Variants in MIR2052HG observed in about 807,000 individuals in gnomAD.
The protein encoded by MIR2052HG is MIR2052 host gene.
At chr8:74,732,773 C>G (rs1809705603) in intron 4 of MIR2052HG, among the ~76,000 whole-genome samples, 1 of 152,048 alleles carries the variant, frequency 6.6e-6, no homozygotes, top group Non-Finnish European at 1.5e-5. Flanking sequence ...GAGGGGACAT[C>G]AGTCACAAAG....
intron 4 of MIR2052HG, among the ~76,000 whole-genome samples, chr8:74,726,225 A>T (rs1362626578): frequency 6.6e-6 from 1 of 152,142 alleles, no homozygotes; most frequent in African/African-American, 2.4e-5. Flanking sequence ...TGATAGTCAT[A>T]CTCAGTGTAT....
chr8:74,730,058 G>C (rs900573000), intron 4 of MIR2052HG, among the ~76,000 whole-genome samples: 1 of 152,148 alleles, frequency 6.6e-6, no homozygotes. Flanking sequence ...AAGATGAGCT[G>C]AGTAATTGTT....
At chr8:74,672,185 C>A (rs1186119032) in intron 2 of MIR2052HG, among the ~76,000 whole-genome samples, 3 of 152,080 alleles carry the variant, frequency 2.0e-5, no homozygotes, top group East Asian at 3.8e-4. Context: ...TCTTGGCCTT[C>A]TATGCATCAC....
intron 4 of MIR2052HG, among the ~76,000 whole-genome samples, chr8:74,711,294 C>T (rs1809465673): frequency 6.6e-6 from 1 of 152,166 alleles, no homozygotes; most frequent in African/African-American, 2.4e-5. Flanking sequence ...TGTACATTTT[C>T]CCACTGTACT....
intron 2 of MIR2052HG, among the ~76,000 whole-genome samples, chr8:74,664,063 G>A (rs996510665): frequency 6.6e-6 from 1 of 152,160 alleles, no homozygotes; most frequent in Non-Finnish European, 1.5e-5. Context: ...GTAAGTGGGA[G>A]TTAAGCTATG....
chr8:74,715,009 T>C (rs1809506914), intron 4 of MIR2052HG, among the ~76,000 whole-genome samples: 1 of 152,184 alleles, frequency 6.6e-6, no homozygotes, highest in South Asian at 2.1e-4. Flanking sequence ...TGTTTTTTTA[T>C]TGCTACCAAA....
intron 2 of MIR2052HG, among the ~76,000 whole-genome samples, chr8:74,687,503 T>C (rs985425931): frequency 6.6e-6 from 1 of 152,086 alleles, no homozygotes; most frequent in African/African-American, 2.4e-5. Context: ...ACAATGGAAT[T>C]ATTTAGCCAT....
intron 4 of MIR2052HG, chr8:74,705,881 CT>C (rs34916429): frequency 0.23 from 37,032 of 161,282 alleles, 5,439 homozygotes; most frequent in East Asian, 0.64. Flanking sequence ...AAAAACTAAA[CT>C]TCTGAAATGT....
chr8:74,602,868 T>TCTTTCTTTCTTTCTTC (rs1478797373), intron 1 of MIR2052HG, among the ~76,000 whole-genome samples: 1 of 148,798 alleles, frequency 6.7e-6, no homozygotes, highest in Admixed American at 6.8e-5. Flanking sequence ...TTTCTTTCTT[T>TCTTTCTTTCTTTCTTC]CTTTCTTTTT....
chr8:74,717,353 T>G (rs1200542977), intron 4 of MIR2052HG, among the ~76,000 whole-genome samples: 3 of 152,222 alleles, frequency 2.0e-5, no homozygotes, highest in Non-Finnish European at 4.4e-5. Context: ...TTTTTATGGC[T>G]GCATAGTATT....
intron 2 of MIR2052HG, among the ~76,000 whole-genome samples, chr8:74,643,951 G>A (rs1001115019): frequency 1.3e-5 from 2 of 152,166 alleles, no homozygotes; most frequent in Admixed American, 6.5e-5. Context: ...TCATTCTGGG[G>A]ATTGCTTGGT....
At chr8:74,717,591 G>A (rs1809533024) in intron 4 of MIR2052HG, among the ~76,000 whole-genome samples, 1 of 152,092 alleles carries the variant, frequency 6.6e-6, no homozygotes, top group Non-Finnish European at 1.5e-5. Context: ...GTTGAGGTGG[G>A]AGGATCCCAT....
chr8:74,665,055 C>G (rs1808907277), intron 2 of MIR2052HG, among the ~76,000 whole-genome samples: 1 of 152,192 alleles, frequency 6.6e-6, no homozygotes, highest in Admixed American at 6.5e-5. Flanking sequence ...TCTGTTACAA[C>G]TTTCTTTTTC....
intron 2 of MIR2052HG, among the ~76,000 whole-genome samples, chr8:74,628,213 A>G (rs1316358814): frequency 6.6e-6 from 1 of 152,226 alleles, no homozygotes. Flanking sequence ...GGGAAGCATA[A>G]TACCAAAGGA....
intron 2 of MIR2052HG, among the ~76,000 whole-genome samples, chr8:74,624,575 G>A (rs1053200976): frequency 6.6e-6 from 1 of 152,146 alleles, no homozygotes; most frequent in African/African-American, 2.4e-5. Context: ...TAATTTTCTG[G>A]AGTTTGCATA....
intron 1 of MIR2052HG, chr8:74,603,362 C>T: frequency 1.9e-6 from 3 of 1,611,214 alleles, no homozygotes; most frequent in Non-Finnish European, 2.5e-6. Flanking sequence ...CTAATGCTGG[C>T]AGCAGATCCA....
chr8:74,640,881 C>T (rs187732619), intron 2 of MIR2052HG, among the ~76,000 whole-genome samples: 41 of 152,306 alleles, frequency 2.7e-4, no homozygotes, highest in African/African-American at 7.9e-4. Context: ...CTCTGGAGTT[C>T]TCAGAGAATG....
At chr8:74,630,087 T>C (rs1006111980) in intron 2 of MIR2052HG, among the ~76,000 whole-genome samples, 2 of 152,222 alleles carry the variant, frequency 1.3e-5, no homozygotes, top group African/African-American at 2.4e-5. Flanking sequence ...ATTTATGTCA[T>C]AGTGGAAGTT....
chr8:74,609,034 A>G (rs1808153114), intron 1 of MIR2052HG, among the ~76,000 whole-genome samples: 1 of 152,040 alleles, frequency 6.6e-6, no homozygotes, highest in African/African-American at 2.4e-5. Context: ...TAAGATTAAT[A>G]AAGTTAATAG....
Sources: gnomAD v4.1 joint callset for allele counts (sites outside exome capture counted in the v4.1 genomes callset) on GRCh38, gnomAD v4.1.1 for gene constraint, MANE v1.5 for transcripts, NCBI Gene and HGNC (gene_info 2026-07-23, HGNC 2026-07-21) for gene names.